Variants in MYO1B observed in about 807,000 individuals in gnomAD.
MYO1B encodes the protein unconventional myosin-Ib.
Under a neutral mutation model 159.7 loss-of-function variants are expected in MYO1B, and 72 were observed. The ratio of observed to expected loss-of-function variants is 0.45; its 90% CI spans 0.37 to 0.55. The LOEUF is 0.55. Among genes scored for constraint, MYO1B ranks in the 20% least tolerant of loss-of-function variants. The probability of loss-of-function intolerance (pLI) is 0.00; values close to 1 mark genes in which losing one functional copy is unlikely to be tolerated. For synonymous variants in MYO1B, 468 were observed against 473.8 expected (o/e 0.99, Z 0.16); for missense variants, 1,062 against 1,364.8 (o/e 0.78, Z 3.50).
chr2:191,253,676 A>G (rs570816156), intron 1 of MYO1B, among the ~76,000 whole-genome samples: 3 of 152,314 alleles, frequency 2.0e-5, no homozygotes, highest in South Asian at 2.1e-4. Flanking sequence ...TCCATTTTCC[A>G]TATTTGCGTC....
At chr2:191,260,292 G>C (rs1025958364) in intron 1 of MYO1B, among the ~76,000 whole-genome samples, 3 of 65,022 alleles carry the variant, frequency 4.6e-5, no homozygotes, top group African/African-American at 9.8e-5. Flanking sequence ...TAGAAGTTAA[G>C]GTTATTCTAT....
At chr2:191,308,629 C>A (rs1166410708) in intron 3 of MYO1B, among the ~76,000 whole-genome samples, 1 of 152,122 alleles carries the variant, frequency 6.6e-6, no homozygotes, top group Non-Finnish European at 1.5e-5. Context: ...GCTACCATGC[C>A]ATTTGTTTCC....
intron 1 of MYO1B, among the ~76,000 whole-genome samples, chr2:191,275,753 G>T (rs1423537795): frequency 1.3e-5 from 2 of 152,168 alleles, no homozygotes; most frequent in Non-Finnish European, 2.9e-5. Flanking sequence ...TATAAAACTG[G>T]CTTCTACATT....
chr2:191,406,693 T>G (rs1696934927), intron 24 of MYO1B, among the ~76,000 whole-genome samples: 1 of 152,172 alleles, frequency 6.6e-6, no homozygotes, highest in South Asian at 2.1e-4. Context: ...ATGAAAAAGT[T>G]TGAAATATTG....
chr2:191,312,797 C>T (rs1451784627), intron 3 of MYO1B, among the ~76,000 whole-genome samples: 1 of 152,200 alleles, frequency 6.6e-6, no homozygotes, highest in Non-Finnish European at 1.5e-5. Context: ...ACTCCAGTGG[C>T]TCATCTTGGG....
Position 191,414,579 on chromosome 2 carries a change from A to T in MYO1B, c.3069A>T (p.Gly1023=), listed in dbSNP as rs535876801. The T allele has an allele frequency of 9.6e-5, 155 of 1,613,690 alleles. 1 individual carries two copies. The South Asian group carries it at 1.6e-3, about 17-fold the overall frequency. ...NNLLLADQKS[G]QIKSEVPLVD... The stretch of plus-strand genomic sequence containing the variant: ...TCCTTCTTGCTGACCAAAAGTCTGG[A>T]CAAATCAAGTCAGAGGTTCCATTGG... Residue 1023 remains glycine (G), a synonymous_variant, in exon 29 of 31, where the codon GGA becomes GGT. Coordinates refer to ENST00000392318, the MANE Select transcript of MYO1B (RefSeq NM_001130158.3).
At chr2:191,386,652 T>C (rs570026939) in intron 16 of MYO1B, among the ~76,000 whole-genome samples, 44 of 152,270 alleles carry the variant, frequency 2.9e-4, no homozygotes, top group African/African-American at 9.9e-4. Flanking sequence ...ACTTCCTTTT[T>C]CATAAAATTG....
chr2:191,363,913 A>G, intron 10 of MYO1B, 38 bp downstream of exon 10: 2 of 1,611,888 alleles, frequency 1.2e-6, no homozygotes, highest in East Asian at 2.2e-5. Context: ...TGTTTAGGAA[A>G]CTTGCTTTGA....
At chr2:191,315,630 CAA>C (rs557789881) in intron 3 of MYO1B, among the ~76,000 whole-genome samples, 298 of 152,300 alleles carry the variant, frequency 2.0e-3, no homozygotes, top group African/African-American at 7.1e-3. Flanking sequence ...TCAAAAGAAG[CAA>C]AGTTTTCTTT....
At chr2:191,325,903 G>A (rs1691029656) in intron 3 of MYO1B, among the ~76,000 whole-genome samples, 1 of 152,070 alleles carries the variant, frequency 6.6e-6, no homozygotes, top group Non-Finnish European at 1.5e-5. Flanking sequence ...CAGCTGTCTG[G>A]AAACATACTT....
At chr2:191,286,215 A>T (rs2125777702) in intron 2 of MYO1B, among the ~76,000 whole-genome samples, 1 of 152,346 alleles carries the variant, frequency 6.6e-6, no homozygotes, top group Non-Finnish European at 1.5e-5. Context: ...TAAAAAATAT[A>T]AGGCCCAGAT....
At chr2:191,263,148 T>C in intron 1 of MYO1B, 1 of 161,054 alleles carries the variant, frequency 6.2e-6, no homozygotes, top group Non-Finnish European at 1.3e-5. Context: ...GTATCCATGA[T>C]GGACTCTCGA....
chr2:191,307,983 C>A (rs1689755348), intron 3 of MYO1B, among the ~76,000 whole-genome samples: 1 of 152,096 alleles, frequency 6.6e-6, no homozygotes, highest in Non-Finnish European at 1.5e-5. Context: ...CCCAAAAAAA[C>A]AGAATTGTGT....
intron 23 of MYO1B, 65 bp downstream of exon 23, chr2:191,400,900 G>A: frequency 6.9e-7 from 1 of 1,457,448 alleles, no homozygotes; most frequent in East Asian, 2.3e-5. Flanking sequence ...CTTACCTCTA[G>A]CCTATTAGGG....
In MYO1B at chr2:191,400,396, G is replaced by T; in HGVS notation, c.2310G>T (p.Leu770=). Reference sequence around the variant, plus strand: ...CTGCCCTTTAGGCTCGAAAAATTCTGCGGGAACTGAAGCATCAAAAGCGCT... The same window carrying T: ...CTGCCCTTTAGGCTCGAAAAATTCTTCGGGAACTGAAGCATCAAAAGCGCT... ...YIRGWKARKI[L]RELKHQKRCK... is the part of the protein sequence containing the mutation. Residue 770 remains leucine, a synonymous_variant, in exon 22 of 31, where the codon CTG becomes CTT. Coordinates refer to ENST00000392318, the MANE Select transcript of MYO1B (RefSeq NM_001130158.3). 3 of 1,613,774 alleles carry T rather than the reference G, an allele frequency of 1.9e-6. No homozygotes were observed. The highest frequency in any genetic ancestry group is 2.5e-6 in the Non-Finnish European group (3 of 1,179,982).
chr2:191,249,906 T>A (rs1441849606), intron 1 of MYO1B, among the ~76,000 whole-genome samples: 1 of 152,194 alleles, frequency 6.6e-6, no homozygotes, highest in Non-Finnish European at 1.5e-5. Context: ...CTCTAACAGG[T>A]GAGCACCTTC....
intron 3 of MYO1B, among the ~76,000 whole-genome samples, chr2:191,314,567 G>T (rs1179548039): frequency 1.3e-5 from 2 of 152,184 alleles, no homozygotes; most frequent in Non-Finnish European, 2.9e-5. Context: ...CAGTAAAATG[G>T]TTCTAACCAG....
At chr2:191,399,095 C>T (rs1398237411) in intron 21 of MYO1B, among the ~76,000 whole-genome samples, 1 of 152,118 alleles carries the variant, frequency 6.6e-6, no homozygotes, top group Non-Finnish European at 1.5e-5. Flanking sequence ...AAAACCCCGT[C>T]TCCACCAAAA....
chr2:191,352,305 A>G (rs1692977171), intron 7 of MYO1B, among the ~76,000 whole-genome samples: 1 of 152,212 alleles, frequency 6.6e-6, no homozygotes, highest in Non-Finnish European at 1.5e-5. Context: ...TTACAAGACA[A>G]ATTAACTCTA....
Sources: allele counts gnomAD v4.1 joint callset (sites outside exome capture counted in the v4.1 genomes callset), GRCh38; gene constraint gnomAD v4.1.1; transcripts MANE v1.5; gene names NCBI Gene and HGNC (gene_info 2026-07-23, HGNC 2026-07-21).